Variants in KIF1B observed in about 807,000 individuals in gnomAD.
KIF1B encodes kinesin family member 1B.
KIF1B carries 76 observed loss-of-function variants against 241.9 expected under a neutral mutation model. That is an observed-to-expected ratio of 0.31 (90% CI 0.26 to 0.38). The LOEUF is 0.38. Among genes scored for constraint, KIF1B ranks in the 10% least tolerant of loss-of-function variants. The pLI is 1.00. For synonymous variants in KIF1B, 750 were observed against 796.7 expected (o/e 0.94, Z 0.99); for missense variants, 1,622 against 2,271.4 (o/e 0.71, Z 5.81).
chr1:10,288,149 G>A (rs773476254), intron 15 of KIF1B, among the ~76,000 whole-genome samples: 2 of 152,188 alleles, frequency 1.3e-5, no homozygotes, highest in African/African-American at 4.8e-5. Flanking sequence ...GAAAAAAGCA[G>A]TCATATGCAA....
chr1:10,291,054 C>G (rs747103043), intron 15 of KIF1B, 28 bp from the exon 16 acceptor site: 1 of 1,576,886 alleles, frequency 6.3e-7, no homozygotes, highest in Non-Finnish European at 8.7e-7. Flanking sequence ...GACTCTTTGC[C>G]TCTTTAACTG....
chr1:10,296,850 A>G (rs760887118), intron 20 of KIF1B, 47 bp from the exon 21 acceptor site: 1 of 1,533,948 alleles, frequency 6.5e-7, no homozygotes, highest in East Asian at 2.3e-5. Context: ...TAGATACTAT[A>G]TATTAAAAAA....
rs1489845375 is a variant in KIF1B at position 10,380,374 on chromosome 1, T to C, written c.*3787T>C. ...TTGACTTAGGTCTTTCAGTTTTCCT[T>C]TCGGTTCCCTTTTAAAAATGTGATT... is the stretch of plus-strand genomic sequence containing the variant. On this transcript the variant is annotated 3_prime_UTR_variant, in exon 49 of 49. Coordinates refer to ENST00000676179, the MANE Select transcript of KIF1B (RefSeq NM_001365951.3). The C allele has an allele frequency of 5.0e-6, 1 of 198,802 alleles. No homozygotes were observed. The highest frequency in any genetic ancestry group is 1.0e-5 in the Non-Finnish European group (1 of 95,978). 12.3% of individuals were successfully genotyped at this position (198,802 alleles called of 1,614,324 possible). A position where few individuals can be genotyped will look rare whatever the true frequency, so the allele number is the denominator to read the frequency against.
At chr1:10,335,140 T>C (rs549500596) in intron 28 of KIF1B, among the ~76,000 whole-genome samples, 137 of 152,258 alleles carry the variant, frequency 9.0e-4, no homozygotes, top group African/African-American at 2.9e-3. Flanking sequence ...TGGGGTCTCA[T>C]TATGCTGCCC....
chr1:10,292,374 T>A (rs1409989229), intron 17 of KIF1B: 2 of 434,334 alleles, frequency 4.6e-6, no homozygotes, highest in East Asian at 4.2e-5. Context: ...TTGGCCATGA[T>A]TCAGTTTGTT....
rs56349613 is a variant in KIF1B at position 10,273,709 on chromosome 1, C to CAAAAAA, written c.882+703_882+708dup. The stretch of plus-strand genomic sequence containing the variant: ...GCCTACTCCCTTTCCTCCTCCTCCT[C>CAAAAAA]AAAAAAAAAAAAAAAAAAAAAAAAA... On this transcript the variant is annotated intron_variant, in intron 10 of 48. Coordinates refer to ENST00000676179, the MANE Select transcript of KIF1B (RefSeq NM_001365951.3). Among the ~76,000 whole-genome samples the CAAAAAA allele has an allele frequency of 3.1e-3, 152 of 49,592 alleles. 3 individuals carry two copies. Among genetic ancestry groups the CAAAAAA allele is most frequent in the African/African-American group, 0.012 (148 of 12,672 alleles). The allele number at this position is 49,592 out of a possible 152,430, so 32.5% of individuals were successfully genotyped here.
intron 12 of KIF1B, among the ~76,000 whole-genome samples, chr1:10,277,079 C>CAA (rs1321482091): frequency 5.3e-4 from 50 of 94,778 alleles, no homozygotes; most frequent in African/African-American, 1.8e-3. Context: ...GACTCCATCT[C>CAA]AAAAAAAAAA....
intron 9 of KIF1B, 22 bp downstream of exon 9, chr1:10,272,328 A>G (rs1432733251): frequency 3.4e-6 from 5 of 1,482,464 alleles, no homozygotes; most frequent in Non-Finnish European, 4.7e-6. Flanking sequence ...ACTTCATTAT[A>G]AGGGGAGTTG....
intron 14 of KIF1B, 50 bp downstream of exon 14, chr1:10,279,188 G>T (rs1407172866): frequency 1.6e-6 from 2 of 1,248,204 alleles, no homozygotes. Flanking sequence ...TTGCTAATCT[G>T]CCTCTGCTGG....
chr1:10,283,206 C>CA (rs33994771), intron 15 of KIF1B, among the ~76,000 whole-genome samples: 702 of 60,264 alleles, frequency 0.012, 9 homozygotes, highest in South Asian at 0.028. Flanking sequence ...GACTCCGTCT[C>CA]AAAAAAAAAA....
chr1:10,276,878 T>G (rs1404834327), intron 12 of KIF1B, among the ~76,000 whole-genome samples: 4 of 152,082 alleles, frequency 2.6e-5, no homozygotes, highest in Non-Finnish European at 5.9e-5. Context: ...GTCAGGAGTT[T>G]GAGACCAGCC....
At chr1:10,232,726 C>G (rs1035989801) in intron 2 of KIF1B, among the ~76,000 whole-genome samples, 1 of 152,074 alleles carries the variant, frequency 6.6e-6, no homozygotes, top group African/African-American at 2.4e-5. Flanking sequence ...ATAAACAGTG[C>G]TTTTTGCCAA....
chr1:10,253,554 G>A (rs190091910), intron 2 of KIF1B, among the ~76,000 whole-genome samples: 1 of 152,226 alleles, frequency 6.6e-6, no homozygotes, highest in African/African-American at 2.4e-5. Flanking sequence ...GAGGTGGGAG[G>A]ATCACTGGAG....
intron 2 of KIF1B, among the ~76,000 whole-genome samples, chr1:10,235,561 G>T (rs1361960728): frequency 6.6e-6 from 1 of 152,026 alleles, no homozygotes; most frequent in African/African-American, 2.4e-5. Context: ...CCAAAAAAAA[G>T]GATTATTAAA....
intron 35 of KIF1B, among the ~76,000 whole-genome samples, chr1:10,347,387 G>A (rs550341525): frequency 1.3e-5 from 2 of 152,302 alleles, no homozygotes; most frequent in African/African-American, 4.8e-5. Flanking sequence ...CATTATGAGG[G>A]AGAGGTAGTT....
chr1:10,251,878 A>G (rs754819868), intron 2 of KIF1B, among the ~76,000 whole-genome samples: 2 of 152,126 alleles, frequency 1.3e-5, no homozygotes, highest in African/African-American at 2.4e-5. Context: ...CTCAGAGGGC[A>G]TGCCTTGTGT....
rs575366429 is a variant in KIF1B, at chr1:10,243,726, A to G, written c.106+11292A>G. 1.1e-3 allele frequency among the ~76,000 whole-genome samples: 175 copies of G among 152,382 alleles called. 1 individual carries two copies. Among genetic ancestry groups the G allele is most frequent in the African/African-American group, 3.7e-3 (152 of 41,596 alleles). The stretch of plus-strand genomic sequence containing the variant: ...CTCACAATATTTATTAAGTTTTACT[A>G]TTCTGTGCAGTAATGCTGAATGTCT... On this transcript the variant is annotated intron_variant, in intron 2 of 48. Coordinates refer to ENST00000676179, the MANE Select transcript of KIF1B (RefSeq NM_001365951.3).
chr1:10,348,647 A>G lies in KIF1B; in HGVS notation c.3865-2A>G. 1.2e-6 allele frequency: 2 copies of G among 1,613,418 alleles called. No individual in the cohort carries two copies. The highest frequency in any genetic ancestry group is 1.7e-6 in the Non-Finnish European group (2 of 1,179,378). ...AAATTGCAACCCTGCTTCATTACCT[A>G]GGGCATCCAGCGAAGGATCACAGTG... is the stretch of plus-strand genomic sequence containing the variant. On this transcript the variant is annotated splice_acceptor_variant, in intron 36 of 48. Transcript: ENST00000676179. LOFTEE classifies it high-confidence loss of function.
At chr1:10,233,618 A>T (rs1647010476) in intron 2 of KIF1B, among the ~76,000 whole-genome samples, 1 of 152,108 alleles carries the variant, frequency 6.6e-6, no homozygotes. Flanking sequence ...CGTATGAAAA[A>T]TTGTCAAAGA....
Sources: gnomAD v4.1 joint callset for allele counts (sites outside exome capture counted in the v4.1 genomes callset) on GRCh38, gnomAD v4.1.1 for gene constraint, MANE v1.5 for transcripts, NCBI Gene and HGNC (gene_info 2026-07-23, HGNC 2026-07-21) for gene names.